The following MSH3 variants were observed in gnomAD, a reference collection of about 807,000 sequenced individuals.
The protein encoded by MSH3 is mutS homolog 3, also known as DNA mismatch repair protein Msh3.
Under a neutral mutation model 123.3 loss-of-function variants are expected in MSH3, and 106 were observed. The observed-to-expected ratio is 0.86, with a 90% CI of 0.73 to 1.01. MSH3 has a LOEUF of 1.01. Among genes scored for constraint, MSH3 ranks in the 50% least tolerant of loss-of-function variants. MSH3 has a pLI of 0.00. For missense variants in MSH3, 1,459 were observed against 1,347.6 expected (o/e 1.08, Z -1.29); for synonymous variants, 515 against 481.4 (o/e 1.07, Z -0.91).
intron 13 of MSH3, among the ~76,000 whole-genome samples, chr5:80,762,819 T>C (rs972825473): frequency 2.7e-5 from 4 of 149,278 alleles, no homozygotes; most frequent in African/African-American, 9.9e-5. Context: ...TGTTATGTTA[T>C]GTTATGTTAT....
rs1554077148 is a variant in MSH3, at chr5:80,869,782, GTATACATATATACATATA to G, written c.3131-3311_3131-3294del. ...TATCTCTTGTGCACTCTTTATATAT[GTATACATATATACATATA>G]TATACATATATACATATATATATAC... On this transcript the variant is annotated intron_variant, in intron 22 of 23. Transcript: ENST00000265081. Among the ~76,000 whole-genome samples the G allele has an allele frequency of 1.9e-4, 24 of 129,226 alleles. 1 individual carries two copies. Among genetic ancestry groups the G allele is most frequent in the Admixed American group, 1.6e-3 (20 of 12,706 alleles). The allele number at this position is 129,226 out of a possible 152,430, so 84.8% of individuals were successfully genotyped here.
chr5:80,820,314 A>G (rs1432744355), intron 20 of MSH3, among the ~76,000 whole-genome samples: 1 of 152,248 alleles, frequency 6.6e-6, no homozygotes, highest in Non-Finnish European at 1.5e-5. Flanking sequence ...ACTTAAAACA[A>G]ATTTTTATTG....
At chr5:80,661,818 A>T (rs1365892536) in intron 2 of MSH3, among the ~76,000 whole-genome samples, 7 of 152,196 alleles carry the variant, frequency 4.6e-5, no homozygotes, top group Non-Finnish European at 8.8e-5. Context: ...CTGGCAAGCA[A>T]TTAAATTCCT....
chr5:80,854,586 T>C (rs1361114808), intron 21 of MSH3, among the ~76,000 whole-genome samples: 1 of 152,220 alleles, frequency 6.6e-6, no homozygotes, highest in Non-Finnish European at 1.5e-5. Flanking sequence ...AATCCCTGCA[T>C]ACCCTTTTGT....
At chr5:80,871,078 TA>T (rs551521921) in intron 22 of MSH3, among the ~76,000 whole-genome samples, 267 of 152,322 alleles carry the variant, frequency 1.8e-3, no homozygotes, top group Non-Finnish European at 3.2e-3. Context: ...TGTGTATGTA[TA>T]TATATGACAG....
intron 3 of MSH3, among the ~76,000 whole-genome samples, chr5:80,665,859 C>A: frequency 6.6e-6 from 1 of 152,124 alleles, no homozygotes; most frequent in East Asian, 1.9e-4. Context: ...TTCATAACTG[C>A]AGAATCAGGG....
chr5:80,686,176 C>T (rs1750084499), intron 8 of MSH3, among the ~76,000 whole-genome samples: 1 of 152,160 alleles, frequency 6.6e-6, no homozygotes, highest in Non-Finnish European at 1.5e-5. Flanking sequence ...GAAATGTTCT[C>T]TAAATATCTA....
chr5:80,807,253 A>T (rs1234526044), intron 19 of MSH3, among the ~76,000 whole-genome samples: 1 of 152,056 alleles, frequency 6.6e-6, no homozygotes, highest in African/African-American at 2.4e-5. Context: ...ATGACATATA[A>T]TGAAACCAAT....
At chr5:80,831,368 T>C (rs1283419876) in intron 20 of MSH3, among the ~76,000 whole-genome samples, 1 of 152,226 alleles carries the variant, frequency 6.6e-6, no homozygotes, top group African/African-American at 2.4e-5. Context: ...CTGGAGATCA[T>C]TGTTGTTTAG....
chr5:80,867,472 C>G (rs1452277386), intron 22 of MSH3, among the ~76,000 whole-genome samples: 1 of 152,214 alleles, frequency 6.6e-6, no homozygotes, highest in Non-Finnish European at 1.5e-5. Context: ...TCTTAAACCA[C>G]TCCTTAGCAG....
Position 80,805,585 on chromosome 5 carries a change from C to A in MSH3, c.2656-7999C>A, listed in dbSNP as rs1055351313. The stretch of plus-strand genomic sequence containing the variant: ...CTTCACTTTCAATATGATGCCCCCC[C>A]CCCCTACCTTTTTTTTTTTTTTTTT... On this transcript the variant is annotated intron_variant, in intron 19 of 23. Transcript: ENST00000265081. 3.5e-4 allele frequency among the ~76,000 whole-genome samples: 28 copies of A among 80,458 alleles called. 4 individuals carry two copies. Among genetic ancestry groups the A allele is most frequent in the African/African-American group, 1.3e-3 (22 of 17,144 alleles). The allele number at this position is 80,458 out of a possible 152,430, so 52.8% of individuals were successfully genotyped here.
rs1247673673 is a variant in MSH3 at position 80,665,233 on chromosome 5, G to A, written c.449G>A (p.Arg150Lys). Reference protein sequence around the residue: ...FCCDSALPQSRVQTESLQERF... With the variant: ...FCCDSALPQSKVQTESLQERF... ...TGCGATTCTGCCCTTCCTCAAAGTA[G>A]AGTCCAGACAGAATCTCTGCAGGAG... Residue 150 changes from arginine to lysine, a missense_variant, in exon 3 of 24, where the codon AGA becomes AAA. Coordinates refer to ENST00000265081, the MANE Select transcript of MSH3 (RefSeq NM_002439.5). 5.0e-6 allele frequency: 8 copies of A among 1,613,986 alleles called. No homozygotes were observed. The highest frequency in any genetic ancestry group is 4.5e-5 in the East Asian group (2 of 44,888).
At chr5:80,835,823 G>A (rs1246289111) in intron 20 of MSH3, among the ~76,000 whole-genome samples, 7 of 151,998 alleles carry the variant, frequency 4.6e-5, no homozygotes, top group East Asian at 3.9e-4. Flanking sequence ...GCTGAGGCAC[G>A]AGAATTACTT....
chr5:80,860,783 T>C (rs1339149635), intron 21 of MSH3, among the ~76,000 whole-genome samples: 1 of 152,174 alleles, frequency 6.6e-6, no homozygotes, highest in Non-Finnish European at 1.5e-5. Context: ...ATTTTCTCTC[T>C]GGTATTCTCA....
intron 19 of MSH3, among the ~76,000 whole-genome samples, chr5:80,810,143 G>C (rs1744979995): frequency 8.5e-6 from 1 of 117,958 alleles, no homozygotes; most frequent in Non-Finnish European, 1.8e-5. Context: ...TTATCCTTAT[G>C]CATGGTTTTT....
At chr5:80,871,069 G>C (rs113201990) in intron 22 of MSH3, among the ~76,000 whole-genome samples, 1 of 152,116 alleles carries the variant, frequency 6.6e-6, no homozygotes, top group African/African-American at 2.4e-5. Flanking sequence ...TTAAGTTCAT[G>C]TGTATGTATA....
rs11953815 is a variant in MSH3, at chr5:80,717,011, A to G, written c.1341-8442A>G. The stretch of plus-strand genomic sequence containing the variant: ...TACCTAACATAATGACCTCAGTTCC[A>G]TCCATGTTACTGCAAAGGACAGGGT... On this transcript the variant is annotated intron_variant, in intron 8 of 23. Coordinates refer to ENST00000265081, the MANE Select transcript of MSH3 (RefSeq NM_002439.5). Among the ~76,000 whole-genome samples, 1,427 of 152,270 alleles carry G rather than the reference A, an allele frequency of 9.4e-3. 20 individuals are homozygous for G. Among genetic ancestry groups the G allele is most frequent in the African/African-American group, 0.032 (1,318 of 41,524 alleles).
At chr5:80,856,547 G>C (rs909407257) in intron 21 of MSH3, among the ~76,000 whole-genome samples, 2 of 104,512 alleles carry the variant, frequency 1.9e-5, no homozygotes. Context: ...ACTGGGGCCT[G>C]TTGTGGGGTG....
intron 21 of MSH3, among the ~76,000 whole-genome samples, chr5:80,859,722 T>G (rs1429908945): frequency 1.3e-5 from 2 of 150,920 alleles, no homozygotes; most frequent in Admixed American, 6.6e-5. Context: ...CTTTTTTTTT[T>G]TTTTTGTTTT....
Sources: allele counts gnomAD v4.1 joint callset (sites outside exome capture counted in the v4.1 genomes callset), GRCh38; gene constraint gnomAD v4.1.1; transcripts MANE v1.5; gene names NCBI Gene and HGNC (gene_info 2026-07-23, HGNC 2026-07-21).